Variants in WHAMM observed in about 807,000 individuals in gnomAD.
The protein encoded by WHAMM is WASP homolog-associated protein with actin, membranes and microtubules.
WHAMM carries 67 observed loss-of-function variants against 76.5 expected under a neutral mutation model. The observed-to-expected ratio is 0.88, with a 90% confidence interval of 0.72 to 1.07. WHAMM has a LOEUF of 1.07. WHAMM is among the 50% of genes least tolerant of loss of function. WHAMM has a pLI of 0.00. For missense variants in WHAMM, 1,021 were observed against 1,051.1 expected (o/e 0.97, Z 0.40); for synonymous variants, 419 against 422.1 (o/e 0.99, Z 0.09).
At position 82,823,107 on chromosome 15, in the gene WHAMM, AG is replaced by A; in HGVS notation, c.1279del (p.Asp427MetfsTer32). 3.7e-6 allele frequency: 5 copies of A among 1,338,858 alleles called. No individual in the cohort carries two copies. The highest frequency in any genetic ancestry group is 4.8e-6 in the Non-Finnish European group (5 of 1,032,194). The allele number at this position is 1,338,858 out of a possible 1,614,324, so 82.9% of individuals were successfully genotyped here. On this transcript the variant is annotated frameshift_variant, in exon 6 of 10. Coordinates refer to ENST00000286760, the MANE Select transcript of WHAMM (RefSeq NM_001080435.3). LOFTEE classifies it high-confidence loss of function. Reference sequence around the variant, plus strand: ...TCATTAATACATTTTTAGAAAAACAAGATGAAGTTGTCTATTACGATCCATG... The same window carrying A: ...TCATTAATACATTTTTAGAAAAACAAATGAAGTTGTCTATTACGATCCATG... ...SLKRLIKEKQ[D>X]EVVYYDPCEN...
Position 82,831,050 on chromosome 15 carries a change from G to A in WHAMM, c.2093G>A (p.Arg698His), listed in dbSNP as rs752003684. Residue 698 changes from arginine (R) to histidine (H), a missense_variant, in exon 9 of 10, where the codon CGT (arginine) becomes CAT (histidine). Coordinates refer to ENST00000286760, the MANE Select transcript of WHAMM (RefSeq NM_001080435.3). The part of the protein sequence containing the change: ...LVCESPAERP[R>H]DSLESFSCPG... ...TGCGAATCACCTGCTGAGCGACCAC[G>A]TGACTCCTTGGAAAGTTTTTCATGT... 1.5e-5 allele frequency: 24 copies of A among 1,608,776 alleles called. No individual in the cohort carries two copies. In the South Asian group the frequency reaches 2.4e-4, roughly 16 times the overall value.
chr15:82,827,123 G>A (rs975272892), intron 8 of WHAMM, among the ~76,000 whole-genome samples: 2 of 152,174 alleles, frequency 1.3e-5, no homozygotes, highest in African/African-American at 4.8e-5. Flanking sequence ...GGCACTGGTG[G>A]TTTAGATTGG....
chr15:82,818,808 G>A (rs1298397225), intron 4 of WHAMM, among the ~76,000 whole-genome samples: 1 of 152,190 alleles, frequency 6.6e-6, no homozygotes, highest in Non-Finnish European at 1.5e-5. Flanking sequence ...CAAGATCAAG[G>A]TGCCTGCAGA....
At position 82,830,987 on chromosome 15, in the gene WHAMM, G is replaced by A. The variant is rs770096808; in HGVS notation, c.2030G>A (p.Arg677Gln). ...GCAACTCATCAGAACTTAGGCTTCC[G>A]GGCTCCAGTGAAAGATGACCAGCCA... is the stretch of plus-strand genomic sequence containing the variant. ...QAATHQNLGFRAPVKDDQPRP... is the reference protein window; with the variant it reads ...QAATHQNLGFQAPVKDDQPRP... Residue 677 changes from arginine to glutamine, a missense_variant, in exon 9 of 10, where the codon CGG (arginine) becomes CAG (glutamine). Physicochemically the swap from Arg to Gln is conservative, Grantham distance 43. Transcript: ENST00000286760. The A allele has an allele frequency of 1.5e-5, 23 of 1,561,434 alleles. No homozygotes were observed. The African/African-American group carries it at 1.7e-4, about 11-fold the overall frequency.
At position 82,823,281 on chromosome 15, in the gene WHAMM, T is replaced by G. The variant is rs753992111; in HGVS notation, c.1452T>G (p.Ser484Arg). The change falls in exon 6 of 10, where the codon AGT becomes AGG. Residue 484 changes from serine (S) to arginine (R), a missense_variant. Physicochemically the swap from Ser to Arg is moderately radical, Grantham distance 110. Coordinates refer to ENST00000286760, the MANE Select transcript of WHAMM (RefSeq NM_001080435.3). Reference protein sequence around the residue: ...RICAKRASLRSRKDQCKENHR... With the variant: ...RICAKRASLRRRKDQCKENHR... ...GTGCCAAAAGAGCCTCTCTCCGGAG[T>G]AGAAAGGTAGGTACGCTCAGAGCGG... The G allele has an allele frequency of 5.3e-6, 8 of 1,502,816 alleles. No homozygotes were observed. The East Asian group carries it at 1.7e-4, about 31-fold the overall frequency. 93.1% of individuals were successfully genotyped at this position (1,502,816 alleles called of 1,614,324 possible).
intron 5 of WHAMM, among the ~76,000 whole-genome samples, chr15:82,820,892 G>T (rs1566994580): frequency 1.7e-5 from 2 of 117,674 alleles, no homozygotes; most frequent in South Asian, 5.7e-4. Flanking sequence ...GTAAGACTCT[G>T]TCTCAAAAAA....
At chr15:82,814,992 G>C (rs957138711) in intron 2 of WHAMM, among the ~76,000 whole-genome samples, 1 of 148,608 alleles carries the variant, frequency 6.7e-6, no homozygotes, top group Non-Finnish European at 1.5e-5. Context: ...GGATGGTCTT[G>C]ATCTCCTGAC....
chr15:82,817,446 C>T (rs2050744950), intron 3 of WHAMM, among the ~76,000 whole-genome samples: 2 of 152,162 alleles, frequency 1.3e-5, no homozygotes, highest in Admixed American at 6.5e-5. Context: ...TAGGAAACAA[C>T]TTAACGTCTG....
At chr15:82,828,819 G>A (rs2050980685) in intron 8 of WHAMM, among the ~76,000 whole-genome samples, 1 of 152,224 alleles carries the variant, frequency 6.6e-6, no homozygotes, top group African/African-American at 2.4e-5. Flanking sequence ...GCACTTGCAT[G>A]GGGTGATAGG....
In WHAMM at chr15:82,810,266, A is replaced by G; in HGVS notation, c.540A>G (p.Glu180=). 1 of 1,381,264 alleles carries G rather than the reference A, an allele frequency of 7.2e-7. No homozygotes were observed. Among genetic ancestry groups the G allele is most frequent in the Non-Finnish European group, 9.3e-7 (1 of 1,069,844 alleles). The allele number at this position is 1,381,264 out of a possible 1,614,324, so 85.6% of individuals were successfully genotyped here. The change falls in exon 1 of 10, where the codon GAA becomes GAG. Residue 180 remains glutamate (E), a synonymous_variant. Coordinates refer to ENST00000286760, the MANE Select transcript of WHAMM (RefSeq NM_001080435.3). ...CTGAGGGCGGCGCGGCCGACTGCGA[A>G]AGCCCGCGCGAGTTCCGGGAGCGGG... ...FPAEGGAADC[E]SPREFRERAL... is the part of the protein sequence containing the mutation.
chr15:82,826,939 G>T, intron 8 of WHAMM, 93 bp downstream of exon 8: 1 of 1,300,474 alleles, frequency 7.7e-7, no homozygotes, highest in Non-Finnish European at 1.0e-6. Context: ...ATTAAGAACA[G>T]GTCATTCAGA....
rs985778968 is a variant in WHAMM at position 82,835,036 on chromosome 15, T to G, written c.*1500T>G. The G allele has an allele frequency of 6.6e-6, 1 of 152,208 alleles. No individual in the cohort carries two copies. The highest frequency in any genetic ancestry group is 1.5e-5 in the Non-Finnish European group (1 of 68,040). The allele number at this position is 152,208 out of a possible 1,614,324, so 9.4% of individuals were successfully genotyped here. On this transcript the variant is annotated 3_prime_UTR_variant, in exon 10 of 10. Coordinates refer to ENST00000286760, the MANE Select transcript of WHAMM (RefSeq NM_001080435.3). The stretch of plus-strand genomic sequence containing the variant: ...CCTCATCACCCTCACTCTGGTGATA[T>G]TACTCCTGGGTCTCCACAGAACAAA...
chr15:82,824,746 G>A (rs984857422), intron 6 of WHAMM, among the ~76,000 whole-genome samples: 5 of 152,228 alleles, frequency 3.3e-5, no homozygotes, highest in African/African-American at 7.2e-5. Context: ...GATTAGAGGC[G>A]TGAGCCACTG....
intron 6 of WHAMM, among the ~76,000 whole-genome samples, chr15:82,824,162 CTTTT>C (rs71156055): frequency 8.5e-6 from 1 of 118,080 alleles, no homozygotes; most frequent in Non-Finnish European, 1.7e-5. Flanking sequence ...TACTTTTCTC[CTTTT>C]TTTTTTTTTG....
At chr15:82,811,917 C>T (rs767589726) in intron 1 of WHAMM, among the ~76,000 whole-genome samples, 21 of 151,380 alleles carry the variant, frequency 1.4e-4, no homozygotes, top group Non-Finnish European at 3.1e-4. Flanking sequence ...TCACTTTATC[C>T]TTAAGCAGAA....
intron 8 of WHAMM, among the ~76,000 whole-genome samples, chr15:82,829,807 A>G (rs2050997310): frequency 6.6e-6 from 1 of 152,148 alleles, no homozygotes; most frequent in Admixed American, 6.6e-5. Flanking sequence ...GTTAATATGT[A>G]TAGAGCTAGT....
At chr15:82,822,895 A>G (rs1416444176) in intron 5 of WHAMM, among the ~76,000 whole-genome samples, 1 of 148,518 alleles carries the variant, frequency 6.7e-6, no homozygotes, top group Non-Finnish European at 1.5e-5. Context: ...GGATATACAC[A>G]CATGCTACTT....
chr15:82,809,647 C>T lies in WHAMM; in HGVS notation c.-80C>T, dbSNP rs923760998. On this transcript the variant is annotated 5_prime_UTR_variant, in exon 1 of 10. Transcript: ENST00000286760. ...TCGATTCTAGCGAAAAATGATTTGG[C>T]TCGGACTGTCCCGTGACAGGCGGTG... The T allele has an allele frequency of 2.5e-6, 3 of 1,209,522 alleles. No homozygotes were observed. Among genetic ancestry groups the T allele is most frequent in the African/African-American group, 1.6e-5 (1 of 63,012 alleles). The allele number at this position is 1,209,522 out of a possible 1,614,324, so 74.9% of individuals were successfully genotyped here.
Position 82,817,979 on chromosome 15 carries a change from G to A in WHAMM, c.994G>A (p.Ala332Thr). ...KRFGQAAWATAIPRLEKLQLM... is the reference protein window; with the variant it reads ...KRFGQAAWATTIPRLEKLQLM... ...ATTTGGTCAGGCTGCCTGGGCCACA[G>A]CAATTCCCAGGTTGGAAAAACTTCA... The change falls in exon 4 of 10, where the codon GCA (alanine) becomes ACA (threonine). Residue 332 changes from alanine (A) to threonine (T), a missense_variant. This residue lies in a region of WHAMM where 501 missense variants were observed against 524.9 expected (regional missense o/e 0.95). Coordinates refer to ENST00000286760, the MANE Select transcript of WHAMM (RefSeq NM_001080435.3). The A allele has an allele frequency of 1.3e-6, 2 of 1,548,818 alleles. No homozygotes were observed. Among genetic ancestry groups the A allele is most frequent in the Non-Finnish European group, 1.7e-6 (2 of 1,146,302 alleles).
Sources: allele counts gnomAD v4.1 joint callset (sites outside exome capture counted in the v4.1 genomes callset), GRCh38; gene constraint gnomAD v4.1.1; regional missense constraint gnomAD v4.1.1; transcripts MANE v1.5; gene names NCBI Gene and HGNC (gene_info 2026-07-23, HGNC 2026-07-21).